LGALS12: variants seen among roughly 807,000 people sequenced by gnomAD.
LGALS12 encodes galectin-12.
A neutral mutation model predicts 36.8 loss-of-function variants in LGALS12; 36 were observed. That is an observed-to-expected ratio of 0.98 (90% CI 0.75 to 1.29). The LOEUF (loss-of-function observed/expected upper bound fraction) is 1.29. LGALS12 is among the 50% of genes most tolerant of loss of function. LGALS12 has a pLI of 0.00. For missense variants in LGALS12, 366 were observed against 394.3 expected (o/e 0.93, Z 0.61); for synonymous variants, 145 against 155.9 (o/e 0.93, Z 0.52).
intron 6 of LGALS12, 105 bp from the exon 7 acceptor site, chr11:63,511,647 T>G (rs1025216047): frequency 2.6e-6 from 2 of 759,678 alleles, no homozygotes; most frequent in Admixed American, 2.0e-5. Flanking sequence ...GCGGCAGGCC[T>G]GGGCAGAACA....
chr11:63,515,360 C>G (rs2017046627), intron 7 of LGALS12, among the ~76,000 whole-genome samples: 1 of 152,226 alleles, frequency 6.6e-6, no homozygotes, highest in African/African-American at 2.4e-5. Flanking sequence ...AGGTCAATCT[C>G]AAGTTCATCT....
rs1590644712 is a variant in LGALS12, at chr11:63,509,054, A to G, written c.372+63A>G. Reference sequence around the variant, plus strand: ...GTGTCCTTGCGCCCTTCCTTCCCTCAGCCAGACTCCCCACGACACAATGTT... The same window carrying G: ...GTGTCCTTGCGCCCTTCCTTCCCTCGGCCAGACTCCCCACGACACAATGTT... On this transcript the variant is annotated intron_variant, in intron 3 of 8. Transcript: ENST00000394618. 4 of 1,280,618 alleles carry G rather than the reference A, an allele frequency of 3.1e-6. No individual in the cohort carries two copies. The East Asian group carries it at 7.3e-5, about 23-fold the overall frequency. The allele number at this position is 1,280,618 out of a possible 1,614,324, so 79.3% of individuals were successfully genotyped here. A position where few individuals can be genotyped will look rare whatever the true frequency, so the allele number is the denominator to read the frequency against.
intron 1 of LGALS12, chr11:63,508,119 C>A: frequency 9.7e-7 from 1 of 1,030,662 alleles, no homozygotes; most frequent in South Asian, 3.5e-5. Context: ...TCAGAGTTAG[C>A]TGTCAGTTCC....
rs199589998 is a variant in LGALS12 at position 63,511,835 on chromosome 11, G to A, written c.642G>A (p.Pro214=). Residue 214 remains proline, a synonymous_variant, in exon 7 of 9, where the codon CCG becomes CCA. Transcript: ENST00000394618. ...IIVRGLVLQE[P]KHFTVSLRDQ... ...TACGGGGACTGGTCTTGCAAGAGCCGAAGCAGTAAGTATCCAGCATCTAAG... is the reference window on the plus strand; with the variant it reads ...TACGGGGACTGGTCTTGCAAGAGCCAAAGCAGTAAGTATCCAGCATCTAAG... 5.8e-5 allele frequency: 94 copies of A among 1,608,626 alleles called. No individual in the cohort carries two copies. The highest frequency in any genetic ancestry group is 1.7e-4 in the African/African-American group (13 of 74,816).
chr11:63,507,722 C>CTTT (rs1187109937), intron 1 of LGALS12, among the ~76,000 whole-genome samples: 1 of 92,850 alleles, frequency 1.1e-5, no homozygotes. Context: ...GGCCAGGCAA[C>CTTT]TTCTTTTTTT....
At chr11:63,512,653 G>A (rs749996953) in intron 7 of LGALS12, among the ~76,000 whole-genome samples, 1 of 152,058 alleles carries the variant, frequency 6.6e-6, no homozygotes, top group Non-Finnish European at 1.5e-5. Flanking sequence ...GCCGGGCATG[G>A]TGGCGCATGC....
chr11:63,512,875 G>A (rs1269530815), intron 7 of LGALS12, among the ~76,000 whole-genome samples: 6 of 152,054 alleles, frequency 3.9e-5, no homozygotes, highest in African/African-American at 1.2e-4. Context: ...CATGGTAAGT[G>A]TCCACAAATG....
At chr11:63,510,149 A>G (rs1324581261) in intron 4 of LGALS12, among the ~76,000 whole-genome samples, 5 of 152,206 alleles carry the variant, frequency 3.3e-5, no homozygotes, top group African/African-American at 1.2e-4. Flanking sequence ...TCTGGTTAAC[A>G]CTGAGAAGCA....
At position 63,515,656 on chromosome 11, in the gene LGALS12, G is replaced by T. The variant is rs771919463; in HGVS notation, c.741G>T (p.Trp247Cys). ...ADRTLAWISR[W>C]GQKKLISAPF... Reference sequence around the variant, plus strand: ...GAACTCTGGCCTGGATCTCCCGCTGGGGGCAGAAGAAACTGATCTCAGCCC... The same window carrying T: ...GAACTCTGGCCTGGATCTCCCGCTGTGGGCAGAAGAAACTGATCTCAGCCC... Residue 247 changes from tryptophan to cysteine, a missense_variant, in exon 8 of 9, where the codon TGG becomes TGT. Trp to Cys is a radical substitution (Grantham distance 215, BLOSUM62 -2). Transcript: ENST00000394618. The T allele has an allele frequency of 6.2e-7, 1 of 1,614,220 alleles. No homozygotes were observed. The highest frequency in any genetic ancestry group is 8.5e-7 in the Non-Finnish European group (1 of 1,180,036).
At chr11:63,510,548 GC>G in intron 5 of LGALS12, 47 bp downstream of exon 5, 1 of 1,591,898 alleles carries the variant, frequency 6.3e-7, no homozygotes, top group Non-Finnish European at 8.6e-7. Context: ...CAGCTGACCC[GC>G]CCTTCTGGAC....
chr11:63,511,221 GA>G, intron 6 of LGALS12, 116 bp downstream of exon 6: 3 of 1,008,984 alleles, frequency 3.0e-6, no homozygotes, highest in Non-Finnish European at 4.6e-6. Flanking sequence ...TTCCTTTATA[GA>G]AAACTGCAGG....
intron 6 of LGALS12, 137 bp downstream of exon 6, chr11:63,511,242 G>GGCCAGGCAGCTTATGCC (rs139803938): frequency 0.12 from 94,660 of 784,382 alleles, 8,340 homozygotes; most frequent in South Asian, 0.22. Flanking sequence ...GCTGTGGGTG[G>GGCCAGGCAGCTTATGCC]GCCAGGCAGC....
rs760569408 is a variant in LGALS12, at chr11:63,509,005, C to T, written c.372+14C>T. On this transcript the variant is annotated intron_variant, in intron 3 of 8. Coordinates refer to ENST00000394618, the MANE Select transcript of LGALS12 (RefSeq NM_033101.4). ...GAGGAAGTGAAGGTGAAGGAAGGGA[C>T]GGGCATTGGGTGGTCTAGAATTTGT... 67 of 1,599,926 alleles carry T rather than the reference C, an allele frequency of 4.2e-5. No individual in the cohort carries two copies. In the Middle Eastern group the frequency reaches 3.0e-3, roughly 71 times the overall value.
chr11:63,506,606 G>C, intron 1 of LGALS12, 79 bp downstream of exon 1: 1 of 1,565,526 alleles, frequency 6.4e-7, no homozygotes, highest in Non-Finnish European at 8.8e-7. Flanking sequence ...CCTGGGTGGT[G>C]GGGTGGAAAG....
intron 5 of LGALS12, among the ~76,000 whole-genome samples, chr11:63,510,858 C>T (rs2269400): frequency 0.18 from 27,645 of 152,216 alleles, 3,021 homozygotes; most frequent in African/African-American, 0.29. Flanking sequence ...CCCAAGGCCA[C>T]ACAGGGAGTG....
chr11:63,511,837 A>G lies in LGALS12; in HGVS notation c.644A>G (p.Lys215Arg), dbSNP rs2016934457. Residue 215 changes from lysine (K) to arginine (R), a missense_variant, in exon 7 of 9, where the codon AAG becomes AGG. Lys to Arg is a conservative substitution (Grantham distance 26, BLOSUM62 2). Coordinates refer to ENST00000394618, the MANE Select transcript of LGALS12 (RefSeq NM_033101.4). Reference sequence around the variant, plus strand: ...CGGGGACTGGTCTTGCAAGAGCCGAAGCAGTAAGTATCCAGCATCTAAGTG... The same window carrying G: ...CGGGGACTGGTCTTGCAAGAGCCGAGGCAGTAAGTATCCAGCATCTAAGTG... ...IVRGLVLQEP[K>R]HFTVSLRDQA... The G allele has an allele frequency of 6.2e-7, 1 of 1,607,978 alleles. No homozygotes were observed. The highest frequency in any genetic ancestry group is 8.5e-7 in the Non-Finnish European group (1 of 1,174,874).
intron 6 of LGALS12, 150 bp downstream of exon 6, chr11:63,511,255 A>G: frequency 1.3e-6 from 1 of 746,630 alleles, no homozygotes; most frequent in Non-Finnish European, 2.3e-6. Flanking sequence ...CAGGCAGCTT[A>G]TGCCCCCAGC....
In LGALS12 at chr11:63,516,503, G is replaced by T; in HGVS notation, c.*110G>T. ...CACCTGACACCAGCACATCAGGCCT[G>T]GTTCACCTCTGGGGTCACGAGACTG... is the stretch of plus-strand genomic sequence containing the variant. On this transcript the variant is annotated 3_prime_UTR_variant, in exon 9 of 9. Coordinates refer to ENST00000394618, the MANE Select transcript of LGALS12 (RefSeq NM_033101.4). 1 of 1,304,190 alleles carries T rather than the reference G, an allele frequency of 7.7e-7. No individual in the cohort carries two copies. Among genetic ancestry groups the T allele is most frequent in the African/African-American group, 1.4e-5 (1 of 69,094 alleles). 80.8% of individuals were successfully genotyped at this position (1,304,190 alleles called of 1,614,324 possible).
At chr11:63,511,914 T>C in intron 7 of LGALS12, 74 bp downstream of exon 7, 1 of 947,466 alleles carries the variant, frequency 1.1e-6, no homozygotes, top group Admixed American at 1.7e-5. Flanking sequence ...AAACATCATC[T>C]CTTTTAATCT....
Sources: allele counts gnomAD v4.1 joint callset (sites outside exome capture counted in the v4.1 genomes callset), GRCh38; gene constraint gnomAD v4.1.1; transcripts MANE v1.5; gene names NCBI Gene and HGNC (gene_info 2026-07-23, HGNC 2026-07-21).